The following ZNF528 variants were observed in gnomAD, a reference collection of about 807,000 sequenced individuals.
The protein encoded by ZNF528 is zinc finger protein 528.
Under a neutral mutation model 13.3 loss-of-function variants are expected in ZNF528, and 9 were observed. The observed-to-expected ratio is 0.67, with a 90% CI of 0.41 to 1.18. ZNF528 has a LOEUF of 1.18. Ranked by LOEUF, ZNF528 falls within the 50% of genes most tolerant of loss-of-function variation. The pLI, the probability that ZNF528 is intolerant of heterozygous loss-of-function variation, is 0.01. For missense variants in ZNF528, 858 were observed against 745.4 expected (o/e 1.15, Z -1.76); for synonymous variants, 264 against 254.3 (o/e 1.04, Z -0.36).
chr19:52,416,702 ATTC>A lies in ZNF528; in HGVS notation c.1852_1854del (p.Ser618del), dbSNP rs771434746. ...CTGTGCAGTAAGGTCTTCAGTCACA[ATTC>A]TGACCTTGCACAGCATCAGAGAGTT... On this transcript the variant is annotated inframe_deletion, in exon 7 of 7. Transcript: ENST00000360465. 5 of 1,609,762 alleles carry A rather than the reference ATTC, an allele frequency of 3.1e-6. No homozygotes were observed. In the South Asian group the frequency reaches 5.5e-5, roughly 18 times the overall value.
intron 6 of ZNF528, chr19:52,414,227 C>G: frequency 1.4e-6 from 1 of 702,598 alleles, no homozygotes. Context: ...GCAGAACCTT[C>G]TTTGTTCACG....
intron 6 of ZNF528, chr19:52,413,111 T>C (rs1456241704): frequency 6.6e-6 from 1 of 152,150 alleles, no homozygotes; most frequent in Non-Finnish European, 1.5e-5. Context: ...TTGCATGATA[T>C]GCAAAAAGGA....
At chr19:52,398,911 G>T (rs1313078218) in intron 2 of ZNF528, among the ~76,000 whole-genome samples, 1 of 152,144 alleles carries the variant, frequency 6.6e-6, no homozygotes, top group Non-Finnish European at 1.5e-5. Flanking sequence ...GGGGACAGGG[G>T]TGTGTAATAT....
At position 52,415,161 on chromosome 19, in the gene ZNF528, G is replaced by T. The variant is rs780633168; in HGVS notation, c.309G>T (p.Lys103Asn). The change falls in exon 7 of 7, where the codon AAG becomes AAT. Residue 103 changes from lysine (K) to asparagine (N), a missense_variant. Transcript: ENST00000360465. Reference sequence around the variant, plus strand: ...AATTGGGAAGTAATGCAGGAAACAAGCCTTGTAAAAATCAACTTGGATTCA... The same window carrying T: ...AATTGGGAAGTAATGCAGGAAACAATCCTTGTAAAAATCAACTTGGATTCA... ...SSKLGSNAGN[K>N]PCKNQLGFTF... 6.2e-7 allele frequency: 1 copy of T among 1,610,566 alleles called. No individual in the cohort carries two copies. The highest frequency in any genetic ancestry group is 1.3e-5 in the African/African-American group (1 of 74,836).
chr19:52,404,051 T>G (rs1183989739), intron 4 of ZNF528, among the ~76,000 whole-genome samples: 2 of 152,176 alleles, frequency 1.3e-5, no homozygotes, highest in Admixed American at 6.6e-5. Flanking sequence ...TTGTCAATTT[T>G]CTTTTGATCC....
Position 52,415,586 on chromosome 19 carries a change from A to T in ZNF528, c.734A>T (p.Glu245Val). The part of the protein sequence containing the change: ...HTGEKPYKCH[E>V]CGKLFSSNSN... ...GGAGAGAAGCCTTACAAATGTCATG[A>T]ATGTGGCAAGCTCTTCAGTAGCAAT... The change falls in exon 7 of 7, where the codon GAA becomes GTA. Residue 245 changes from glutamate (E) to valine (V), a missense_variant. Physicochemically the swap from Glu to Val is moderately radical, Grantham distance 121. Transcript: ENST00000360465. 6.2e-7 allele frequency: 1 copy of T among 1,614,178 alleles called. No individual in the cohort carries two copies. The highest frequency in any genetic ancestry group is 1.7e-5 in the Admixed American group (1 of 60,018).
In ZNF528 at chr19:52,400,698, AT is replaced by A. The variant is rs982707986; in HGVS notation, c.-136-976del. Among the ~76,000 whole-genome samples the A allele has an allele frequency of 1.5e-4, 22 of 148,406 alleles. No homozygotes were observed. In the East Asian group the frequency reaches 2.0e-3, roughly 13 times the overall value. ...CTCTGCGTGGCTGATTGAAAAAAAA[AT>A]TTTTTTTTTTGAGACAAAGTCTCAC... On this transcript the variant is annotated intron_variant, in intron 2 of 6. Transcript: ENST00000360465.
Position 52,417,419 on chromosome 19 carries a change from A to T in ZNF528, c.*680A>T, listed in dbSNP as rs910842238. On this transcript the variant is annotated 3_prime_UTR_variant, in exon 7 of 7. Coordinates refer to ENST00000360465, the MANE Select transcript of ZNF528 (RefSeq NM_032423.3). ...TGCAGTTAGCACACTTTCTCCTGACATAAGTGCACAGAGCTTCAGTGTCCA... is the reference window on the plus strand; with the variant it reads ...TGCAGTTAGCACACTTTCTCCTGACTTAAGTGCACAGAGCTTCAGTGTCCA... 6.1e-6 allele frequency: 1 copy of T among 164,448 alleles called. No homozygotes were observed. The highest frequency in any genetic ancestry group is 2.4e-5 in the African/African-American group (1 of 41,566). 10.2% of individuals were successfully genotyped at this position (164,448 alleles called of 1,614,324 possible).
chr19:52,415,269 C>T lies in ZNF528; in HGVS notation c.417C>T (p.Val139=). 1 of 1,614,066 alleles carries T rather than the reference C, an allele frequency of 6.2e-7. No individual in the cohort carries two copies. Among genetic ancestry groups the T allele is most frequent in the Non-Finnish European group, 8.5e-7 (1 of 1,180,016 alleles). The change falls in exon 7 of 7, where the codon GTC becomes GTT. Residue 139 remains valine, a synonymous_variant. Transcript: ENST00000360465. ...GGTGTAAGCATTTTGAAAAACCCGT[C>T]AGTGACAATTCCTCAGTTTCACCGC... is the stretch of plus-strand genomic sequence containing the variant. The part of the protein sequence containing the change: ...ISGCKHFEKP[V]SDNSSVSPLE...
chr19:52,402,217 G>A (rs1018793339), intron 4 of ZNF528, among the ~76,000 whole-genome samples, 189 bp downstream of exon 4: 4 of 152,006 alleles, frequency 2.6e-5, no homozygotes, highest in Non-Finnish European at 5.9e-5. Flanking sequence ...CATGAACTTG[G>A]GAAGAGGCTG....
At chr19:52,410,555 T>G (rs1477939359) in intron 6 of ZNF528, among the ~76,000 whole-genome samples, 1 of 152,216 alleles carries the variant, frequency 6.6e-6, no homozygotes, top group East Asian at 1.9e-4. Context: ...TTTGGTCATA[T>G]AGCCTCCAGT....
intron 6 of ZNF528, among the ~76,000 whole-genome samples, chr19:52,408,699 G>A (rs774593851): frequency 1.1e-4 from 16 of 151,904 alleles, no homozygotes; most frequent in Non-Finnish European, 2.2e-4. Flanking sequence ...TCAGCCTCCC[G>A]AGTAGCTGGG....
chr19:52,406,510 A>C lies in ZNF528; in HGVS notation c.143-5A>C. ...GCACACATTTATTCTTTCTTTTATA[A>C]ATAGGAATCTGTCTTCCTGACCTGA... On this transcript the variant is annotated splice_region_variant and splice_polypyrimidine_tract_variant and intron_variant, in intron 5 of 6. Transcript: ENST00000360465. 1 of 1,612,428 alleles carries C rather than the reference A, an allele frequency of 6.2e-7. No individual in the cohort carries two copies. Among genetic ancestry groups the C allele is most frequent in the Non-Finnish European group, 8.5e-7 (1 of 1,179,602 alleles).
At chr19:52,406,736 A>G (rs11668956) in intron 6 of ZNF528, 93 bp downstream of exon 6, 1,059,003 of 1,458,610 alleles carry the variant, frequency 0.73, 397,653 homozygotes, top group Non-Finnish European at 0.78. Context: ...TGCGGTGGCA[A>G]TCATAGCTCA....
Position 52,406,614 on chromosome 19 carries a change from G to T in ZNF528, c.242G>T (p.Gly81Val). The T allele has an allele frequency of 1.2e-6, 2 of 1,613,866 alleles. No homozygotes were observed. Among genetic ancestry groups the T allele is most frequent in the East Asian group, 4.5e-5 (2 of 44,864 alleles). The stretch of plus-strand genomic sequence containing the variant: ...GAGAAAATAGCAAACGATCCAGACG[G>T]CAGGGAGTGCATCAAAGGTGTGAAC... Reference protein sequence around the residue: ...SEEKIANDPDGRECIKGVNTE... With the variant: ...SEEKIANDPDVRECIKGVNTE... The change falls in exon 6 of 7, where the codon GGC becomes GTC. Residue 81 changes from glycine (G) to valine (V), a missense_variant. Coordinates refer to ENST00000360465, the MANE Select transcript of ZNF528 (RefSeq NM_032423.3).
In ZNF528 at chr19:52,416,113, A is replaced by T; in HGVS notation, c.1261A>T (p.Lys421Ter). 1 of 1,614,084 alleles carries T rather than the reference A, an allele frequency of 6.2e-7. No individual in the cohort carries two copies. Among genetic ancestry groups the T allele is most frequent in the Non-Finnish European group, 8.5e-7 (1 of 1,180,042 alleles). ...TCAGTGTGGCAAGATCTTTAGTCAGAAATCAGACCTTATACGACATCGAAA... is the reference window on the plus strand; with the variant it reads ...TCAGTGTGGCAAGATCTTTAGTCAGTAATCAGACCTTATACGACATCGAAA... Reference protein sequence around the residue: ...CSQCGKIFSQKSDLIRHRKTH... With the variant: ...CSQCGKIFSQ Residue 421 changes from lysine to a stop codon, truncating the protein, a stop_gained, in exon 7 of 7, where the codon AAA (lysine) becomes TAA (stop). Transcript: ENST00000360465. LOFTEE classifies it low-confidence loss of function (END_TRUNC).
At chr19:52,406,242 C>G (rs2058854515) in intron 5 of ZNF528, among the ~76,000 whole-genome samples, 1 of 152,140 alleles carries the variant, frequency 6.6e-6, no homozygotes, top group Non-Finnish European at 1.5e-5. Context: ...TTGGTGGCAC[C>G]AGGGCCGAAG....
Position 52,416,495 on chromosome 19 carries a change from C to T in ZNF528, c.1643C>T (p.Pro548Leu), listed in dbSNP as rs1166612266. 1.9e-6 allele frequency: 3 copies of T among 1,614,178 alleles called. No individual in the cohort carries two copies. The highest frequency in any genetic ancestry group is 2.7e-5 in the African/African-American group (2 of 75,036). Residue 548 changes from proline to leucine, a missense_variant, in exon 7 of 7, where the codon CCT becomes CTT. Coordinates refer to ENST00000360465, the MANE Select transcript of ZNF528 (RefSeq NM_032423.3). ...CAAATAATTCATACTGGAGAGAGGC[C>T]TTACAGATGTAGTAAATGTGGCAAA... ...RHQIIHTGER[P>L]YRCSKCGKAF...
chr19:52,409,882 T>A (rs1740306568), intron 6 of ZNF528, among the ~76,000 whole-genome samples: 2 of 152,118 alleles, frequency 1.3e-5, no homozygotes, highest in African/African-American at 4.8e-5. Context: ...GCCTGGCTAA[T>A]TTTTGTATTT....
Sources: gnomAD v4.1 joint callset for allele counts (sites outside exome capture counted in the v4.1 genomes callset) on GRCh38, gnomAD v4.1.1 for gene constraint, MANE v1.5 for transcripts, NCBI Gene and HGNC (gene_info 2026-07-23, HGNC 2026-07-21) for gene names.